The following DERL1 variants were observed in gnomAD, a reference collection of about 807,000 sequenced individuals.
DERL1 encodes the protein derlin 1, also known as derlin-1.
In DERL1, 24 loss-of-function variants were observed where a neutral mutation model predicts 41.6. The observed-to-expected ratio is 0.58, with a 90% CI of 0.42 to 0.81. DERL1 has a LOEUF of 0.81. Ranked by LOEUF, DERL1 falls within the 30% of genes least tolerant of loss-of-function variation. The probability of loss-of-function intolerance (pLI) is 0.00; values close to 1 mark genes in which losing one functional copy is unlikely to be tolerated. For synonymous variants in DERL1, 124 were observed against 112.5 expected (o/e 1.10, Z -0.65); for missense variants, 260 against 314.3 (o/e 0.83, Z 1.31).
intron 7 of DERL1, 62 bp from the exon 8 acceptor site, chr8:123,015,647 A>G: frequency 1.3e-6 from 2 of 1,527,162 alleles, no homozygotes; most frequent in Non-Finnish European, 1.8e-6. Context: ...CCACATAGTT[A>G]TCTGACCTCC....
intron 7 of DERL1, 137 bp downstream of exon 7, chr8:123,019,058 G>A (rs1814684500): frequency 1.4e-6 from 1 of 694,592 alleles, no homozygotes; most frequent in African/African-American, 1.8e-5. Context: ...GTGTGACTAG[G>A]GTAAGTCACT....
rs1453073825 is a variant in DERL1, at chr8:123,013,925, AGTT to A, written c.*1519_*1521del. 6.6e-6 allele frequency: 1 copy of A among 152,214 alleles called. No individual in the cohort carries two copies. The highest frequency in any genetic ancestry group is 2.4e-5 in the African/African-American group (1 of 41,446). The allele number at this position is 152,214 out of a possible 1,614,324, so 9.4% of individuals were successfully genotyped here. On this transcript the variant is annotated 3_prime_UTR_variant, in exon 8 of 8. Coordinates refer to ENST00000259512, the MANE Select transcript of DERL1 (RefSeq NM_024295.6). ...CACACAAACTCTATTCAAAATGAGA[AGTT>A]GTTTGCCAACTCTCATTTCCTAGGA...
intron 1 of DERL1, among the ~76,000 whole-genome samples, chr8:123,039,277 T>A (rs934495002): frequency 2.0e-5 from 3 of 152,144 alleles, no homozygotes; most frequent in Admixed American, 1.3e-4. Context: ...CACAGAATAG[T>A]CGGGGCAATC....
rs762024897 is a variant in DERL1 at position 123,021,496 on chromosome 8, A to T, written c.457T>A (p.Cys153Ser). 1.2e-6 allele frequency: 2 copies of T among 1,613,708 alleles called. No individual in the cohort carries two copies. The highest frequency in any genetic ancestry group is 1.7e-6 in the Non-Finnish European group (2 of 1,179,642). ...CCAAGGATAACCCAGGGTAAATAGC[A>T]GGCCTAGGATGGAATGAATATATGC... ...SFWFGTRFKA[C>S]YLPWVILGFN... The change falls in exon 6 of 8, where the codon TGC becomes AGC. Residue 153 changes from cysteine (C) to serine (S), a missense_variant. Physicochemically the swap from Cys to Ser is moderately radical, Grantham distance 112. Transcript: ENST00000259512.
chr8:123,041,462 A>G (rs1008832253), intron 1 of DERL1, among the ~76,000 whole-genome samples: 3 of 152,204 alleles, frequency 2.0e-5, no homozygotes, highest in African/African-American at 7.2e-5. Context: ...CTAGAGGGAA[A>G]TGCAGAACAA....
chr8:123,025,010 G>A lies in DERL1; in HGVS notation c.306C>T (p.Leu102=). The change falls in exon 3 of 8, where the codon CTC becomes CTT. Residue 102 remains leucine (L), a synonymous_variant. Coordinates refer to ENST00000259512, the MANE Select transcript of DERL1 (RefSeq NM_024295.6). ...DGRPADYLFM[L]LFNWICIVIT... ...CCACGATGCAAATCCAGTTAAAGAG[G>A]AGCATGAATAAATAGTCTGCTGGCC... The A allele has an allele frequency of 6.2e-7, 1 of 1,613,722 alleles. No homozygotes were observed. Among genetic ancestry groups the A allele is most frequent in the Non-Finnish European group, 8.5e-7 (1 of 1,179,902 alleles).
chr8:123,030,568 A>G, intron 2 of DERL1, 37 bp downstream of exon 2: 3 of 1,433,274 alleles, frequency 2.1e-6, no homozygotes, highest in Non-Finnish European at 2.9e-6. Context: ...AGTAAATGAG[A>G]AAGAAACAAT....
Position 123,024,991 on chromosome 8 carries a change from T to C in DERL1, c.325A>G (p.Ile109Val). 6.2e-7 allele frequency: 1 copy of C among 1,613,746 alleles called. No individual in the cohort carries two copies. The highest frequency in any genetic ancestry group is 8.5e-7 in the Non-Finnish European group (1 of 1,179,924). ...LFMLLFNWIC[I>V]VITGLAMDMQ... ...AATCACAGACTGAAGGATACCACGA[T>C]GCAAATCCAGTTAAAGAGGAGCATG... is the stretch of plus-strand genomic sequence containing the variant. The change falls in exon 3 of 8, where the codon ATC becomes GTC. Residue 109 changes from isoleucine to valine, a missense_variant. By Grantham distance (29) the Ile-to-Val change is conservative. Transcript: ENST00000259512.
chr8:123,025,080 G>C, intron 2 of DERL1, 30 bp from the exon 3 acceptor site: 1 of 1,606,746 alleles, frequency 6.2e-7, no homozygotes, highest in Non-Finnish European at 8.5e-7. Flanking sequence ...AAATGTCATG[G>C]TTCAGAATTT....
chr8:123,022,903 G>T, intron 4 of DERL1, 124 bp from the exon 5 acceptor site: 2 of 632,628 alleles, frequency 3.2e-6, no homozygotes, highest in East Asian at 2.7e-5. Flanking sequence ...AAACTCAACT[G>T]ATCAGAATTA....
rs569473652 is a variant in DERL1, at chr8:123,013,271, G to C, written c.*2176C>G. 3.0e-4 allele frequency: 45 copies of C among 152,282 alleles called. No homozygotes were observed. Among genetic ancestry groups the C allele is most frequent in the Non-Finnish European group, 5.9e-5 (4 of 68,020 alleles). 9.4% of individuals were successfully genotyped at this position (152,282 alleles called of 1,614,324 possible). On this transcript the variant is annotated 3_prime_UTR_variant, in exon 8 of 8. Transcript: ENST00000259512. ...GGTACTTCCTAAATGCTCTTCAAGA[G>C]ATAATTGGTTACACAAATTATGTGA...
At chr8:123,034,420 A>G (rs1223630712) in intron 1 of DERL1, among the ~76,000 whole-genome samples, 4 of 152,224 alleles carry the variant, frequency 2.6e-5, no homozygotes, top group Non-Finnish European at 5.9e-5. Context: ...GTTTTTGCTT[A>G]TAAGTCACCA....
chr8:123,041,425 T>C (rs1488824703), intron 1 of DERL1, among the ~76,000 whole-genome samples: 1 of 152,234 alleles, frequency 6.6e-6, no homozygotes, highest in African/African-American at 2.4e-5. Flanking sequence ...TACATTCTAT[T>C]ACTACGTGGG....
chr8:123,036,766 T>G (rs1470942397), intron 1 of DERL1, among the ~76,000 whole-genome samples: 2 of 152,158 alleles, frequency 1.3e-5, no homozygotes, highest in Non-Finnish European at 2.9e-5. Context: ...ATATAGAACT[T>G]CTATGCTCAG....
intron 7 of DERL1, 22 bp downstream of exon 7, chr8:123,019,173 G>GA (rs1290983892): frequency 6.7e-7 from 1 of 1,496,900 alleles, no homozygotes; most frequent in Non-Finnish European, 9.3e-7. Context: ...AATGTTAGAT[G>GA]AGACAGGACA....
chr8:123,018,484 G>A (rs908444864), intron 7 of DERL1: 8 of 152,222 alleles, frequency 5.3e-5, no homozygotes, highest in African/African-American at 1.7e-4. Context: ...ATGCAGTCCT[G>A]TGAGACAGGG....
At chr8:123,024,392 A>G (rs2130469982) in intron 3 of DERL1, among the ~76,000 whole-genome samples, 1 of 152,298 alleles carries the variant, frequency 6.6e-6, no homozygotes, top group Non-Finnish European at 1.5e-5. Context: ...CCCAAAGGCA[A>G]TTTTGAGCTC....
intron 3 of DERL1, among the ~76,000 whole-genome samples, chr8:123,024,323 A>G (rs951579086): frequency 3.3e-5 from 5 of 152,132 alleles, no homozygotes; most frequent in Admixed American, 2.0e-4. Flanking sequence ...AGGAGGGGGG[A>G]AAGGGCATCC....
intron 7 of DERL1, 124 bp downstream of exon 7, chr8:123,019,071 T>C: frequency 5.6e-6 from 4 of 717,440 alleles, no homozygotes; most frequent in South Asian, 4.8e-5. Context: ...AAGTCACTTG[T>C]TGCCTCAGGT....
Sources: allele counts gnomAD v4.1 joint callset (sites outside exome capture counted in the v4.1 genomes callset), GRCh38; gene constraint gnomAD v4.1.1; transcripts MANE v1.5; gene names NCBI Gene and HGNC (gene_info 2026-07-23, HGNC 2026-07-21).